Variants in RAB9B observed in about 807,000 individuals in gnomAD.
RAB9B encodes the protein RAB9B, member RAS oncogene family, also known as ras-related protein Rab-9B.
A neutral mutation model predicts 8.9 loss-of-function variants in RAB9B; 1 was observed. The ratio of observed to expected loss-of-function variants is 0.11; its 90% CI spans 0.04 to 0.53. The LOEUF (loss-of-function observed/expected upper bound fraction) is 0.53, where lower values mean the gene tolerates loss of function less well. Among genes scored for constraint, RAB9B ranks in the 20% least tolerant of loss-of-function variants. The pLI is 0.93. For synonymous variants in RAB9B, 63 were observed against 57.0 expected (o/e 1.10, Z -0.47); for missense variants, 82 against 152.9 (o/e 0.54, Z 2.45).
the RAB9B span, chrX:103,786,125 C>T: frequency 2.7e-6 from 3 of 1,091,660 alleles, no homozygotes; most frequent in African/African-American, 1.8e-5. Flanking sequence ...AAGTTAGGCT[C>T]CTGTTCCTTC....
the RAB9B span, among the ~76,000 whole-genome samples, chrX:103,807,895 A>C: frequency 4.6e-4 from 52 of 112,430 alleles, 1 homozygote; most frequent in Admixed American, 3.3e-3. Context: ...ATTGATTCCC[A>C]GTCCTGGAAT....
chrX:103,807,650 A>T, the RAB9B span, among the ~76,000 whole-genome samples: 2 of 112,229 alleles, frequency 1.8e-5, no homozygotes, highest in African/African-American at 6.5e-5. Flanking sequence ...GTTGGGAGTG[A>T]CCTACTCAGC....
chrX:103,786,932 A>C, the RAB9B span: 2 of 449,430 alleles, frequency 4.5e-6, no homozygotes, highest in East Asian at 3.7e-5. Context: ...TCCCTAAGCA[A>C]ATTTCTTCTC....
At chrX:103,828,009 T>C (rs974710480) in intron 1 of RAB9B, among the ~76,000 whole-genome samples, 16 of 112,162 alleles carry the variant, frequency 1.4e-4, no homozygotes, top group African/African-American at 4.9e-4. Flanking sequence ...TAGCTGGTGT[T>C]ATTAAATTTA....
the RAB9B span, among the ~76,000 whole-genome samples, chrX:103,815,847 A>G: frequency 2.7e-5 from 3 of 111,753 alleles, no homozygotes; most frequent in African/African-American, 9.8e-5. Flanking sequence ...CTACAAAGAG[A>G]ATAAAGTGCC....
the RAB9B span, among the ~76,000 whole-genome samples, chrX:103,795,889 T>C: frequency 8.9e-6 from 1 of 111,787 alleles, no homozygotes; most frequent in Non-Finnish European, 1.9e-5. Flanking sequence ...AAAAAAAAAT[T>C]TGTCATTTTC....
At chrX:103,831,798 C>T (rs951895305) in intron 1 of RAB9B, among the ~76,000 whole-genome samples, 1 of 110,216 alleles carries the variant, frequency 9.1e-6, no homozygotes, top group Non-Finnish European at 1.9e-5. Context: ...GCGCACTGAG[C>T]CACACCCGCT....
At chrX:103,800,340 A>G in the RAB9B span, among the ~76,000 whole-genome samples, 1 of 111,060 alleles carries the variant, frequency 9.0e-6, no homozygotes, top group Admixed American at 9.7e-5. Flanking sequence ...GGGGGGCAGA[A>G]CACATTCATT....
At chrX:103,811,276 A>G in the RAB9B span, among the ~76,000 whole-genome samples, 1 of 112,267 alleles carries the variant, frequency 8.9e-6, no homozygotes, top group African/African-American at 3.2e-5. Context: ...ACAGGATTCT[A>G]TGAGGAAGTA....
the RAB9B span, among the ~76,000 whole-genome samples, chrX:103,802,143 C>T: frequency 9.5e-6 from 1 of 105,488 alleles, no homozygotes; most frequent in East Asian, 2.9e-4. Context: ...GAAGTGGGTG[C>T]CTGAGGTGAG....
At chrX:103,818,493 T>C, downstream of RAB9B, among the ~76,000 whole-genome samples, 1 of 111,889 alleles carries the variant, frequency 8.9e-6, no homozygotes, top group Middle Eastern at 4.2e-3. Context: ...AGATTGATAT[T>C]AAGGAACTTC....
At chrX:103,796,846 AC>A in the RAB9B span, among the ~76,000 whole-genome samples, 1 of 80,568 alleles carries the variant, frequency 1.2e-5, no homozygotes, top group Non-Finnish European at 2.3e-5. Context: ...CACCGCCTCT[AC>A]AAAAAAAAAA....
chrX:103,813,287 A>T, the RAB9B span, among the ~76,000 whole-genome samples: 1 of 110,110 alleles, frequency 9.1e-6, no homozygotes, highest in African/African-American at 3.3e-5. Context: ...CCAACATTTG[A>T]CCTAAAATGG....
chrX:103,790,547 C>T, the RAB9B span: 4 of 1,207,949 alleles, frequency 3.3e-6, no homozygotes, highest in Non-Finnish European at 4.5e-6. Context: ...TGATTGCTGC[C>T]ACTTACAACT....
the RAB9B span, among the ~76,000 whole-genome samples, chrX:103,804,895 G>C: frequency 9.0e-6 from 1 of 111,524 alleles, no homozygotes; most frequent in Non-Finnish European, 1.9e-5. Context: ...AGCTCTAATA[G>C]ATTTTTGGGG....
the RAB9B span, chrX:103,788,426 G>T: frequency 8.4e-7 from 1 of 1,195,673 alleles, no homozygotes; most frequent in Non-Finnish European, 1.1e-6. Flanking sequence ...TGCTTTTTGT[G>T]TCTTACTTAG....
the RAB9B span, among the ~76,000 whole-genome samples, chrX:103,780,468 T>TGTGTGTGTGTGC: frequency 9.1e-5 from 10 of 109,650 alleles, no homozygotes; most frequent in East Asian, 1.4e-3. Context: ...TGTGTGTGTG[T>TGTGTGTGTGTGC]GCGCGTCTGA....
the RAB9B span, among the ~76,000 whole-genome samples, chrX:103,794,836 C>A: frequency 9.8e-5 from 11 of 111,972 alleles, 1 homozygote; most frequent in South Asian, 4.1e-3. Context: ...GTTTGAAAGA[C>A]GCAAACATAC....
At chrX:103,792,139 T>C in the RAB9B span, 1 of 111,327 alleles carries the variant, frequency 9.0e-6, no homozygotes, top group Non-Finnish European at 1.9e-5. Context: ...AAAAGTCTGA[T>C]TGGTTTTAAT....
Sources: allele counts gnomAD v4.1 joint callset (sites outside exome capture counted in the v4.1 genomes callset), GRCh38; gene constraint gnomAD v4.1.1; transcripts MANE v1.5; gene names NCBI Gene and HGNC (gene_info 2026-07-23, HGNC 2026-07-21).